Variants in RBFOX1 observed in about 807,000 individuals in gnomAD.
RBFOX1 encodes the protein RNA binding protein fox-1 homolog 1.
RBFOX1 carries 8 observed loss-of-function variants against 57.7 expected under a neutral mutation model. That is an observed-to-expected ratio of 0.14 (90% confidence interval 0.08 to 0.25). RBFOX1 has a LOEUF of 0.25. Among genes scored for constraint, RBFOX1 ranks in the 10% least tolerant of loss-of-function variants. RBFOX1 has a pLI of 1.00. For synonymous variants in RBFOX1, 326 were observed against 222.4 expected, an observed-to-expected ratio of 1.47 and a Z score of -4.15; for missense variants, 611 against 548.5, an observed-to-expected ratio of 1.11 and a Z score of -1.14.
chr16:6,341,984 C>G (rs1250567937), intron 2 of RBFOX1, among the ~76,000 whole-genome samples: 1 of 152,208 alleles, frequency 6.6e-6, no homozygotes, highest in Non-Finnish European at 1.5e-5. Context: ...AACCTTAATT[C>G]TCCTTTGCAA....
chr16:7,487,962 TC>T lies in RBFOX1; in HGVS notation c.28-30183del, dbSNP rs551325867. Among the ~76,000 whole-genome samples the T allele has an allele frequency of 7.9e-3, 1,202 of 152,262 alleles. 9 individuals are homozygous for T. The highest frequency in any genetic ancestry group is 0.013 in the Non-Finnish European group (889 of 68,012). On this transcript the variant is annotated intron_variant, in intron 4 of 15. Transcript: ENST00000550418. ...CCCACTCTTGGAATGGATTTTTTTT[TC>T]CAGGGCCTCTTTTCTAATTAACTCT...
chr16:6,391,032 C>A (rs551735770), intron 2 of RBFOX1, among the ~76,000 whole-genome samples: 3 of 152,098 alleles, frequency 2.0e-5, no homozygotes, highest in Non-Finnish European at 4.4e-5. Flanking sequence ...ACCCACTAGA[C>A]GATAGTACCT....
At chr16:7,233,558 T>A (rs546843135) in intron 4 of RBFOX1, among the ~76,000 whole-genome samples, 1 of 152,284 alleles carries the variant, frequency 6.6e-6, no homozygotes, top group African/African-American at 2.4e-5. Context: ...TTTTACAAAG[T>A]CTATTTTGCT....
chr16:5,341,079 C>T (rs998613412), intron 1 of RBFOX1, among the ~76,000 whole-genome samples: 1 of 152,126 alleles, frequency 6.6e-6, no homozygotes, highest in Non-Finnish European at 1.5e-5. Flanking sequence ...AGTGCAGCAG[C>T]CTTGAGGCAG....
At chr16:5,648,249 G>C (rs1290474008) in intron 3 of RBFOX1, among the ~76,000 whole-genome samples, 1 of 152,186 alleles carries the variant, frequency 6.6e-6, no homozygotes, top group Admixed American at 6.5e-5. Flanking sequence ...TGTGTCAGAG[G>C]TTCTCAAGTT....
intron 2 of RBFOX1, among the ~76,000 whole-genome samples, chr16:6,445,194 C>A (rs1376097761): frequency 6.6e-6 from 1 of 152,016 alleles, no homozygotes; most frequent in African/African-American, 2.4e-5. Context: ...GAACAGACTG[C>A]AGAAATAATA....
intron 3 of RBFOX1, among the ~76,000 whole-genome samples, chr16:5,653,879 GC>G (rs1432337602): frequency 1.3e-5 from 2 of 152,172 alleles, no homozygotes; most frequent in Non-Finnish European, 2.9e-5. Context: ...GGGCAGGAGG[GC>G]TGCTCTCGGC....
chr16:7,105,049 C>T (rs1255137733), intron 4 of RBFOX1, among the ~76,000 whole-genome samples: 1 of 152,122 alleles, frequency 6.6e-6, no homozygotes, highest in African/African-American at 2.4e-5. Flanking sequence ...TACAGATCTC[C>T]ACTTACATTC....
intron 4 of RBFOX1, among the ~76,000 whole-genome samples, chr16:7,449,877 G>A (rs1022874884): frequency 2.6e-5 from 4 of 152,118 alleles, no homozygotes; most frequent in Middle Eastern, 3.2e-3. Context: ...AATGCGAGGG[G>A]CTTGAAGACA....
intron 2 of RBFOX1, among the ~76,000 whole-genome samples, chr16:6,348,577 G>T (rs1279075710): frequency 1.3e-5 from 2 of 152,150 alleles, no homozygotes; most frequent in Admixed American, 6.5e-5. Flanking sequence ...ACGCTGTACA[G>T]GAAAGATGGC....
At chr16:5,845,076 T>A (rs2056720928) in intron 3 of RBFOX1, among the ~76,000 whole-genome samples, 1 of 151,908 alleles carries the variant, frequency 6.6e-6, no homozygotes. Context: ...TTTTTTTTTT[T>A]TTTCTGTAAC....
chr16:7,618,045 C>T (rs949919606), intron 10 of RBFOX1, among the ~76,000 whole-genome samples: 7 of 151,898 alleles, frequency 4.6e-5, no homozygotes, highest in African/African-American at 1.5e-4. Context: ...CACCTGATAC[C>T]TACTGATGGG....
chr16:5,247,022 C>T (rs907272930), intron 1 of RBFOX1, among the ~76,000 whole-genome samples: 1 of 152,180 alleles, frequency 6.6e-6, no homozygotes, highest in Non-Finnish European at 1.5e-5. Flanking sequence ...TGGTATTTGT[C>T]GTTCTGTGCC....
intron 3 of RBFOX1, among the ~76,000 whole-genome samples, chr16:5,733,846 C>A (rs544559985): frequency 6.6e-6 from 1 of 151,952 alleles, no homozygotes; most frequent in Non-Finnish European, 1.5e-5. Flanking sequence ...CTAGTCTTTC[C>A]CTGGGATGCG....
At chr16:6,345,994 G>T (rs1223803552) in intron 2 of RBFOX1, among the ~76,000 whole-genome samples, 6 of 152,178 alleles carry the variant, frequency 3.9e-5, no homozygotes, top group Non-Finnish European at 8.8e-5. Flanking sequence ...AGATAGGTGG[G>T]ATACAAAGTG....
chr16:5,560,863 C>G (rs1236870347), intron 2 of RBFOX1, among the ~76,000 whole-genome samples: 1 of 152,188 alleles, frequency 6.6e-6, no homozygotes, highest in African/African-American at 2.4e-5. Flanking sequence ...GACACTCTGC[C>G]TCTGAAGGCA....
At chr16:6,341,846 G>A (rs1477228325) in intron 2 of RBFOX1, among the ~76,000 whole-genome samples, 2 of 152,140 alleles carry the variant, frequency 1.3e-5, no homozygotes, top group African/African-American at 4.8e-5. Flanking sequence ...CCGTTTATTG[G>A]AGTCCAAATC....
chr16:5,954,872 G>T (rs944963331), intron 4 of RBFOX1, among the ~76,000 whole-genome samples: 1 of 151,936 alleles, frequency 6.6e-6, no homozygotes, highest in Non-Finnish European at 1.5e-5. Context: ...CAGGTGGACT[G>T]AGTAACTTGA....
chr16:5,941,715 T>A (rs1195120600), intron 4 of RBFOX1, among the ~76,000 whole-genome samples: 1 of 142,594 alleles, frequency 7.0e-6, no homozygotes, highest in African/African-American at 2.5e-5. Context: ...ATTATCCCAT[T>A]TTTTTTTCCA....
Sources: gnomAD v4.1 joint callset for allele counts (sites outside exome capture counted in the v4.1 genomes callset) on GRCh38, gnomAD v4.1.1 for gene constraint, MANE v1.5 for transcripts, NCBI Gene and HGNC (gene_info 2026-07-23, HGNC 2026-07-21) for gene names.